The following PTP4A2 variants were observed in gnomAD, a reference collection of about 807,000 sequenced individuals.
The protein encoded by PTP4A2 is protein tyrosine phosphatase 4A2, also known as protein tyrosine phosphatase type IVA 2.
Under a neutral mutation model 22.9 loss-of-function variants are expected in PTP4A2, and 2 were observed. That is an observed-to-expected ratio of 0.09 (90% CI 0.04 to 0.27). The LOEUF is 0.27. Among genes scored for constraint, PTP4A2 ranks in the 10% least tolerant of loss-of-function variants. PTP4A2 has a pLI of 1.00. For missense variants in PTP4A2, 103 were observed against 205.1 expected (o/e 0.50, Z 3.04); for synonymous variants, 68 against 69.1 (o/e 0.98, Z 0.08).
chr1:31,928,626 G>A (rs991603711), intron 1 of PTP4A2, among the ~76,000 whole-genome samples: 6 of 150,864 alleles, frequency 4.0e-5, no homozygotes, highest in African/African-American at 7.3e-5. Flanking sequence ...GAACCTGGGA[G>A]GCGGAAGTTG....
intron 1 of PTP4A2, chr1:31,935,483 A>C (rs940743487): frequency 2.0e-5 from 3 of 152,224 alleles, no homozygotes; most frequent in African/African-American, 7.2e-5. Flanking sequence ...AGCTACTGAG[A>C]GAGTAGTATG....
chr1:31,925,620 T>C (rs1194137690), intron 1 of PTP4A2, among the ~76,000 whole-genome samples: 1 of 151,256 alleles, frequency 6.6e-6, no homozygotes, highest in Non-Finnish European at 1.5e-5. Flanking sequence ...ATTAGTCGGG[T>C]GTGGTGGTGG....
chr1:31,928,203 A>T (rs1020543957), intron 1 of PTP4A2, among the ~76,000 whole-genome samples: 9 of 140,628 alleles, frequency 6.4e-5, no homozygotes, highest in African/African-American at 2.4e-4. Flanking sequence ...ATATATTTAT[A>T]TATTATAATA....
chr1:31,914,084 A>T (rs1403215329), intron 3 of PTP4A2: 2 of 376,218 alleles, frequency 5.3e-6, no homozygotes, highest in South Asian at 4.0e-5. Context: ...TTATTGACTG[A>T]TTGACTGACA....
intron 1 of PTP4A2, chr1:31,921,247 G>A (rs1192510349): frequency 6.6e-6 from 1 of 152,178 alleles, no homozygotes; most frequent in Non-Finnish European, 1.5e-5. Context: ...AAAATGAAGT[G>A]ACTTGCCTAA....
chr1:31,926,376 G>A (rs1364705152), intron 1 of PTP4A2, among the ~76,000 whole-genome samples: 2 of 151,796 alleles, frequency 1.3e-5, no homozygotes, highest in African/African-American at 2.4e-5. Context: ...TAAAAAAAAC[G>A]AGTATGCATA....
In PTP4A2 at chr1:31,928,671, T is replaced by C. The variant is rs549192302; in HGVS notation, c.-593-9013A>G. Among the ~76,000 whole-genome samples, 12 of 128,816 alleles carry C rather than the reference T, an allele frequency of 9.3e-5. No individual in the cohort carries two copies. The South Asian group carries it at 2.9e-3, about 31-fold the overall frequency. 84.5% of individuals were successfully genotyped at this position (128,816 alleles called of 152,430 possible). On this transcript the variant is annotated intron_variant, in intron 1 of 5. Coordinates refer to ENST00000647444, the MANE Select transcript of PTP4A2 (RefSeq NM_080391.4). Reference sequence around the variant, plus strand: ...AAGATCGTGCCACTGTACTCCAGCCTGGGTGACAGAGTGAAACTCTGTCTC... The same window carrying C: ...AAGATCGTGCCACTGTACTCCAGCCCGGGTGACAGAGTGAAACTCTGTCTC...
At chr1:31,922,751 C>T (rs1342525436) in intron 1 of PTP4A2, among the ~76,000 whole-genome samples, 4 of 151,812 alleles carry the variant, frequency 2.6e-5, no homozygotes. Flanking sequence ...CCTCAGGCTC[C>T]TGAGGAGCTG....
At chr1:31,925,938 G>A (rs951585210) in intron 1 of PTP4A2, among the ~76,000 whole-genome samples, 1 of 151,712 alleles carries the variant, frequency 6.6e-6, no homozygotes, top group African/African-American at 2.4e-5. Flanking sequence ...GAAGTCAGGA[G>A]ATCGAAGCCA....
In PTP4A2 at chr1:31,919,172, CA is replaced by C; in HGVS notation, c.-108del. On this transcript the variant is annotated 5_prime_UTR_variant, in exon 2 of 6. Coordinates refer to ENST00000647444, the MANE Select transcript of PTP4A2 (RefSeq NM_080391.4). Reference sequence around the variant, plus strand: ...TCACAGCAGAAAACATTAAAAAGACCACTAAAATGCCTATTATCAATCAGTG... The same window carrying C: ...TCACAGCAGAAAACATTAAAAAGACCCTAAAATGCCTATTATCAATCAGTG... 1.7e-6 allele frequency: 1 copy of C among 577,590 alleles called. No individual in the cohort carries two copies. The highest frequency in any genetic ancestry group is 3.1e-6 in the Non-Finnish European group (1 of 323,120). The allele number at this position is 577,590 out of a possible 1,614,324, so 35.8% of individuals were successfully genotyped here.
chr1:31,930,035 TTACCTAAAATA>T (rs1652649311), intron 1 of PTP4A2, among the ~76,000 whole-genome samples: 1 of 152,178 alleles, frequency 6.6e-6, no homozygotes, highest in Admixed American at 6.5e-5. Flanking sequence ...ACTGTTCACA[TTACCTAAAATA>T]TACCATCTCG....
At chr1:31,934,810 T>C (rs980586383) in intron 1 of PTP4A2, among the ~76,000 whole-genome samples, 1 of 152,240 alleles carries the variant, frequency 6.6e-6, no homozygotes, top group African/African-American at 2.4e-5. Context: ...ATGTTGTAAA[T>C]GGTTTCTGCC....
Position 31,915,239 on chromosome 1 carries a change from A to G in PTP4A2, c.189+656T>C, listed in dbSNP as rs141282489. Among the ~76,000 whole-genome samples, 46 of 152,358 alleles carry G rather than the reference A, an allele frequency of 3.0e-4. 1 individual carries two copies. In the East Asian group the frequency reaches 8.9e-3, roughly 29 times the overall value. On this transcript the variant is annotated intron_variant, in intron 3 of 5. Transcript: ENST00000647444. The stretch of plus-strand genomic sequence containing the variant: ...GAAAATACTATGATTTGTAGGCTTT[A>G]AGAGCACAAATGAACAAAACTGCCA...
chr1:31,923,661 T>C (rs1169443840), intron 1 of PTP4A2, among the ~76,000 whole-genome samples: 1 of 152,058 alleles, frequency 6.6e-6, no homozygotes, highest in Non-Finnish European at 1.5e-5. Flanking sequence ...TAGCTGGGAC[T>C]ACAGGTGCAT....
At chr1:31,912,788 G>A (rs1651608828) in intron 3 of PTP4A2, among the ~76,000 whole-genome samples, 2 of 152,122 alleles carry the variant, frequency 1.3e-5, no homozygotes, top group African/African-American at 4.8e-5. Context: ...AGATATTAGG[G>A]GAGGAAAAAG....
intron 2 of PTP4A2, among the ~76,000 whole-genome samples, chr1:31,917,089 T>A (rs1162726953): frequency 1.3e-5 from 2 of 152,210 alleles, no homozygotes; most frequent in Non-Finnish European, 2.9e-5. Context: ...GGGCTACCAA[T>A]ATCTTTTTTA....
In PTP4A2 at chr1:31,929,424, T is replaced by C. The variant is rs1307799021; in HGVS notation, c.-594+8563A>G. Among the ~76,000 whole-genome samples the C allele has an allele frequency of 7.9e-5, 12 of 152,352 alleles. 1 individual carries two copies. The East Asian group carries it at 2.3e-3, about 29-fold the overall frequency. The stretch of plus-strand genomic sequence containing the variant: ...AAATGGATTCTATTCATCCATACTT[T>C]TGTGACAAAAGTATCATGGCTATCT... On this transcript the variant is annotated intron_variant, in intron 1 of 5. Transcript: ENST00000647444.
Position 31,916,006 on chromosome 1 carries a change from T to C in PTP4A2, c.97-19A>G. ...TAAGTTCCTTTAAAAAAAAAAAAAA[T>C]TATAATGGAACTTGTTTTTGAAACC... On this transcript the variant is annotated intron_variant, in intron 2 of 5. Transcript: ENST00000647444. 7.5e-7 allele frequency: 1 copy of C among 1,335,120 alleles called. No individual in the cohort carries two copies. Among genetic ancestry groups the C allele is most frequent in the African/African-American group, 1.5e-5 (1 of 66,372 alleles). 82.7% of individuals were successfully genotyped at this position (1,335,120 alleles called of 1,614,324 possible).
rs1651299049 is a variant in PTP4A2, at chr1:31,908,139, A to T, written c.*713T>A. ...ATATATATATATATATATATATTAT[A>T]TTATATATATATATATATATATATA... is the stretch of plus-strand genomic sequence containing the variant. On this transcript the variant is annotated 3_prime_UTR_variant, in exon 6 of 6. Coordinates refer to ENST00000647444, the MANE Select transcript of PTP4A2 (RefSeq NM_080391.4). 2.4e-4 allele frequency: 1 copy of T among 4,246 alleles called. No individual in the cohort carries two copies. The highest frequency in any genetic ancestry group is 1.6e-3 in the African/African-American group (1 of 642). 0.3% of individuals were successfully genotyped at this position (4,246 alleles called of 1,614,324 possible).
Sources: gnomAD v4.1 joint callset for allele counts (sites outside exome capture counted in the v4.1 genomes callset) on GRCh38, gnomAD v4.1.1 for gene constraint, MANE v1.5 for transcripts, NCBI Gene and HGNC (gene_info 2026-07-23, HGNC 2026-07-21) for gene names.